Variants in TMEM62 observed in about 807,000 individuals in gnomAD.
The protein encoded by TMEM62 is transmembrane protein 62.
In TMEM62, 41 loss-of-function variants were observed where a neutral mutation model predicts 70.4. The ratio of observed to expected loss-of-function variants is 0.58; its 90% CI spans 0.45 to 0.76. The LOEUF is 0.76. Ranked by LOEUF, TMEM62 falls within the 30% of genes least tolerant of loss-of-function variation. TMEM62 has a pLI of 0.00. For missense variants in TMEM62, 688 were observed against 788.5 expected (o/e 0.87, Z 1.53); for synonymous variants, 268 against 291.0 (o/e 0.92, Z 0.80).
At chr15:43,169,478 T>C in intron 10 of TMEM62, 115 bp from the exon 11 acceptor site, 1 of 836,278 alleles carries the variant, frequency 1.2e-6, no homozygotes, top group Non-Finnish European at 1.9e-6. Flanking sequence ...TATGTATTTC[T>C]TATATCACAG....
intron 5 of TMEM62, 109 bp from the exon 6 acceptor site, chr15:43,148,646 G>T: frequency 7.5e-7 from 1 of 1,341,060 alleles, no homozygotes. Context: ...TTAAGGCCTA[G>T]ACACATATAA....
intron 4 of TMEM62, among the ~76,000 whole-genome samples, chr15:43,139,869 T>C (rs2035750585): frequency 6.6e-6 from 1 of 152,154 alleles, no homozygotes; most frequent in Admixed American, 6.5e-5. Flanking sequence ...CAAGTGCTGA[T>C]TGATGGAGAA....
Position 43,138,861 on chromosome 15 carries a change from T to G in TMEM62, c.476+242T>G, listed in dbSNP as rs566881905. Among the ~76,000 whole-genome samples, 4 of 152,328 alleles carry G rather than the reference T, an allele frequency of 2.6e-5. No individual in the cohort carries two copies. The South Asian group carries it at 8.3e-4, about 32-fold the overall frequency. ...GAAAACATTTTTTAACAGGTAAAAT[T>G]TTTCTATAAAGAATCTCTAGTAATT... On this transcript the variant is annotated intron_variant, in intron 4 of 13. Coordinates refer to ENST00000260403, the MANE Select transcript of TMEM62 (RefSeq NM_024956.4).
chr15:43,135,796 G>A (rs2035141651), intron 3 of TMEM62, 147 bp downstream of exon 3: 1 of 949,572 alleles, frequency 1.1e-6, no homozygotes. Context: ...TATATAATGT[G>A]GTTTTAAAAC....
chr15:43,180,509 T>G (rs2041227263), intron 12 of TMEM62, among the ~76,000 whole-genome samples: 1 of 152,054 alleles, frequency 6.6e-6, no homozygotes, highest in South Asian at 2.1e-4. Flanking sequence ...ACCAGCACAC[T>G]TACAAGACAA....
Position 43,148,759 on chromosome 15 carries a change from A to T in TMEM62, c.623A>T (p.Lys208Met). 2 of 1,612,440 alleles carry T rather than the reference A, an allele frequency of 1.2e-6. No homozygotes were observed. Among genetic ancestry groups the T allele is most frequent in the Non-Finnish European group, 1.7e-6 (2 of 1,179,602 alleles). The change falls in exon 6 of 14, where the codon AAG becomes ATG. Residue 208 changes from lysine (K) to methionine (M), a missense_variant. Lys to Met is a moderately conservative substitution (Grantham distance 95). Transcript: ENST00000260403. The stretch of plus-strand genomic sequence containing the variant: ...TCCATTTTTCTCCCATCTCAGAAAA[A>T]GATGGAGGAGCTCTTATTACTGGCC... ...YNFFGILDKK[K>M]MEELLLLAKE... is the part of the protein sequence containing the mutation.
intron 4 of TMEM62, among the ~76,000 whole-genome samples, chr15:43,142,678 G>T (rs1417075924): frequency 2.7e-5 from 4 of 145,552 alleles, no homozygotes; most frequent in East Asian, 4.0e-4. Flanking sequence ...TGTTTTTTTG[G>T]TTTTTTTTTT....
At position 43,184,265 on chromosome 15, in the gene TMEM62, G is replaced by GT. The variant is rs780566984; in HGVS notation, c.1617dup (p.Asn540Ter). On this transcript the variant is annotated frameshift_variant, in exon 14 of 14. Transcript: ENST00000260403. LOFTEE classifies it high-confidence loss of function. ...ATGGTTCTGTTCTTTTCCAGCTGGC[G>GT]TTTTTTAACATCCCCTTGATGGCTT... 1.0e-4 allele frequency: 163 copies of GT among 1,610,852 alleles called. No individual in the cohort carries two copies. The African/African-American group carries it at 1.9e-3, about 19-fold the overall frequency.
At chr15:43,149,805 C>T (rs2037145559) in intron 7 of TMEM62, among the ~76,000 whole-genome samples, 1 of 152,098 alleles carries the variant, frequency 6.6e-6, no homozygotes, top group Admixed American at 6.6e-5. Context: ...CATGTTTTTC[C>T]TCCTGAATTT....
rs2142211714 is a variant in TMEM62, at chr15:43,185,009, G to C, written c.*423G>C. The C allele has an allele frequency of 4.0e-6, 1 of 249,092 alleles. No individual in the cohort carries two copies. The highest frequency in any genetic ancestry group is 5.6e-5 in the South Asian group (1 of 17,892). The allele number at this position is 249,092 out of a possible 1,614,324, so 15.4% of individuals were successfully genotyped here. ...ATTTCAGGGGCAGGGAACCTTTGAG[G>C]ATCTGGGCCCGACCCTCACTACCCC... On this transcript the variant is annotated 3_prime_UTR_variant, in exon 14 of 14. Coordinates refer to ENST00000260403, the MANE Select transcript of TMEM62 (RefSeq NM_024956.4).
At chr15:43,172,353 A>G (rs2040282100) in intron 11 of TMEM62, among the ~76,000 whole-genome samples, 1 of 152,206 alleles carries the variant, frequency 6.6e-6, no homozygotes, top group Non-Finnish European at 1.5e-5. Flanking sequence ...AAGATATTAG[A>G]TAGAGTTAGT....
At chr15:43,161,152 C>G (rs952215719) in intron 10 of TMEM62, among the ~76,000 whole-genome samples, 1 of 151,988 alleles carries the variant, frequency 6.6e-6, no homozygotes, top group Non-Finnish European at 1.5e-5. Flanking sequence ...TGGAATGTGT[C>G]CCCTGTGGAT....
chr15:43,182,484 G>A (rs1265470021), intron 13 of TMEM62, among the ~76,000 whole-genome samples: 3 of 144,630 alleles, frequency 2.1e-5, no homozygotes, highest in Non-Finnish European at 4.5e-5. Flanking sequence ...ATGGAGTCTC[G>A]ATCTTGTCGT....
At chr15:43,159,062 T>C (rs571577649) in intron 9 of TMEM62, among the ~76,000 whole-genome samples, 1 of 152,338 alleles carries the variant, frequency 6.6e-6, no homozygotes, top group African/African-American at 2.4e-5. Context: ...TCCAAGCTTT[T>C]CTTATGCATT....
At chr15:43,157,132 A>G (rs1222890466) in intron 9 of TMEM62, among the ~76,000 whole-genome samples, 1 of 152,144 alleles carries the variant, frequency 6.6e-6, no homozygotes, top group East Asian at 1.9e-4. Flanking sequence ...TATTTATTGA[A>G]TATCTATAGG....
At chr15:43,183,918 A>C (rs945432354) in intron 13 of TMEM62, among the ~76,000 whole-genome samples, 1 of 151,778 alleles carries the variant, frequency 6.6e-6, no homozygotes, top group African/African-American at 2.4e-5. Context: ...TCCTCCCCTC[A>C]CTCCACCAAA....
In TMEM62 at chr15:43,148,805, C is replaced by T. The variant is rs1290976713; in HGVS notation, c.669C>T (p.Asn223=). 1.2e-6 allele frequency: 2 copies of T among 1,614,106 alleles called. No homozygotes were observed. Among genetic ancestry groups the T allele is most frequent in the Non-Finnish European group, 8.5e-7 (1 of 1,180,014 alleles). The change falls in exon 6 of 14, where the codon AAC becomes AAT. Residue 223 remains asparagine (N), a synonymous_variant. Coordinates refer to ENST00000260403, the MANE Select transcript of TMEM62 (RefSeq NM_024956.4). ...LLLAKESSRS[N]HTIWFGHFTT... ...TGGCCAAGGAAAGCAGTCGGAGCAA[C>T]CATACAATTTGGTTTGGACACTTTA...
At chr15:43,167,110 G>A (rs1311122683) in intron 10 of TMEM62, among the ~76,000 whole-genome samples, 7 of 151,920 alleles carry the variant, frequency 4.6e-5, no homozygotes, top group Non-Finnish European at 7.4e-5. Flanking sequence ...CAGTAGGGGC[G>A]GCTGGGCAGA....
chr15:43,143,264 G>A (rs1027871582), intron 4 of TMEM62, among the ~76,000 whole-genome samples: 11 of 152,224 alleles, frequency 7.2e-5, no homozygotes, highest in African/African-American at 2.4e-4. Context: ...GTTTTGCCAT[G>A]TTGGCCAGGC....
Sources: allele counts gnomAD v4.1 joint callset (sites outside exome capture counted in the v4.1 genomes callset), GRCh38; gene constraint gnomAD v4.1.1; transcripts MANE v1.5; gene names NCBI Gene and HGNC (gene_info 2026-07-23, HGNC 2026-07-21).